Variants in PLCB1 observed in about 807,000 individuals in gnomAD.
PLCB1 encodes the protein 1-phosphatidylinositol 4,5-bisphosphate phosphodiesterase beta-1.
A neutral mutation model predicts 161.8 loss-of-function variants in PLCB1; 46 were observed. The observed-to-expected ratio is 0.28, with a 90% CI of 0.22 to 0.36. The LOEUF (loss-of-function observed/expected upper bound fraction) is 0.36. Ranked by LOEUF, PLCB1 falls within the 10% of genes least tolerant of loss-of-function variation. The probability of loss-of-function intolerance (pLI) is 1.00; values close to 1 mark genes in which losing one functional copy is unlikely to be tolerated. For missense variants in PLCB1, 1,016 were observed against 1,472.5 expected (o/e 0.69, Z 5.07); for synonymous variants, 517 against 503.7 (o/e 1.03, Z -0.35).
At chr20:8,601,359 C>G (rs1282579815) in intron 3 of PLCB1, among the ~76,000 whole-genome samples, 1 of 152,026 alleles carries the variant, frequency 6.6e-6, no homozygotes, top group Non-Finnish European at 1.5e-5. Flanking sequence ...TTTTCTTGAT[C>G]CTCTTTCTCC....
chr20:8,307,062 T>G (rs1008769772), intron 2 of PLCB1, among the ~76,000 whole-genome samples: 1 of 152,144 alleles, frequency 6.6e-6, no homozygotes, highest in Non-Finnish European at 1.5e-5. Context: ...TCAGGTCTGG[T>G]GAGGGATGAT....
chr20:8,161,471 A>G (rs1436800504), intron 2 of PLCB1, among the ~76,000 whole-genome samples: 1 of 152,236 alleles, frequency 6.6e-6, no homozygotes, highest in Non-Finnish European at 1.5e-5. Flanking sequence ...TGGCAGAGTC[A>G]GGAATAGAAA....
chr20:8,741,448 T>C lies in PLCB1; in HGVS notation c.2414-16T>C. The C allele has an allele frequency of 1.3e-6, 2 of 1,547,578 alleles. No homozygotes were observed. The highest frequency in any genetic ancestry group is 8.9e-7 in the Non-Finnish European group (1 of 1,120,046). On this transcript the variant is annotated splice_polypyrimidine_tract_variant and intron_variant, in intron 22 of 31. Transcript: ENST00000338037. Reference sequence around the variant, plus strand: ...CTTCCAGGACCTTTGATCTAAAATATCTCTTCCCTATTTAGATGTCATCGA... The same window carrying C: ...CTTCCAGGACCTTTGATCTAAAATACCTCTTCCCTATTTAGATGTCATCGA...
At chr20:8,274,877 C>T (rs563886570) in intron 2 of PLCB1, among the ~76,000 whole-genome samples, 5 of 152,102 alleles carry the variant, frequency 3.3e-5, no homozygotes, top group Admixed American at 6.6e-5. Flanking sequence ...TCTTTCCCTG[C>T]GATGAGTTAT....
At chr20:8,275,221 C>T (rs1474789315) in intron 2 of PLCB1, among the ~76,000 whole-genome samples, 4 of 149,098 alleles carry the variant, frequency 2.7e-5, no homozygotes, top group South Asian at 2.1e-4. Flanking sequence ...GTTAAATGTC[C>T]AGTACCAGGT....
chr20:8,356,645 T>C (rs1177998403), intron 2 of PLCB1, among the ~76,000 whole-genome samples: 2 of 152,194 alleles, frequency 1.3e-5, no homozygotes, highest in African/African-American at 4.8e-5. Context: ...TACGGCATAA[T>C]AGCACCAATT....
intron 19 of PLCB1, 74 bp from the exon 20 acceptor site, chr20:8,736,954 A>T: frequency 8.7e-7 from 1 of 1,152,548 alleles, no homozygotes; most frequent in Non-Finnish European, 1.3e-6. Context: ...GTGGCTCTTT[A>T]AAGTATTCTC....
At chr20:8,316,672 A>G (rs1018924095) in intron 2 of PLCB1, among the ~76,000 whole-genome samples, 4 of 152,168 alleles carry the variant, frequency 2.6e-5, no homozygotes, top group African/African-American at 9.7e-5. Context: ...CTCCGGGTTT[A>G]CTTTTCCAAG....
At chr20:8,397,223 C>T (rs962643582) in intron 3 of PLCB1, among the ~76,000 whole-genome samples, 3 of 151,972 alleles carry the variant, frequency 2.0e-5, no homozygotes, top group East Asian at 1.9e-4. Flanking sequence ...AATACAAGTC[C>T]ACTAGAGAAA....
chr20:8,607,688 G>T (rs939317376), intron 3 of PLCB1, among the ~76,000 whole-genome samples: 1 of 152,046 alleles, frequency 6.6e-6, no homozygotes. Context: ...TCTCTGAAAT[G>T]TTCTTGTTCA....
At chr20:8,423,320 AG>A (rs1247011961) in intron 3 of PLCB1, among the ~76,000 whole-genome samples, 2 of 152,214 alleles carry the variant, frequency 1.3e-5, no homozygotes, top group Non-Finnish European at 2.9e-5. Context: ...AAAGCAAAAC[AG>A]GTTCTTAAAG....
At chr20:8,613,988 C>T (rs1447199190) in intron 3 of PLCB1, among the ~76,000 whole-genome samples, 4 of 151,846 alleles carry the variant, frequency 2.6e-5, no homozygotes, top group Admixed American at 2.0e-4. Flanking sequence ...AACACTTAAG[C>T]AGCCCAAAAA....
chr20:8,346,172 C>A (rs1218068879), intron 2 of PLCB1, among the ~76,000 whole-genome samples: 2 of 152,208 alleles, frequency 1.3e-5, no homozygotes, highest in African/African-American at 4.8e-5. Flanking sequence ...TCACCCCAAA[C>A]TGCAAAGCTG....
chr20:8,729,728 A>G (rs1980132406), intron 18 of PLCB1: 1 of 151,970 alleles, frequency 6.6e-6, no homozygotes, highest in Admixed American at 6.6e-5. Flanking sequence ...ACTTATTTCT[A>G]TTCCCTAAAT....
At chr20:8,205,258 C>T (rs1978465042) in intron 2 of PLCB1, among the ~76,000 whole-genome samples, 2 of 152,152 alleles carry the variant, frequency 1.3e-5, no homozygotes, top group South Asian at 4.1e-4. Context: ...TCTCTGGCTT[C>T]TAACTTTATT....
At chr20:8,208,906 G>A (rs746569235) in intron 2 of PLCB1, among the ~76,000 whole-genome samples, 7 of 152,044 alleles carry the variant, frequency 4.6e-5, no homozygotes, top group Admixed American at 1.3e-4. Context: ...AATAGAAAGC[G>A]GAAGAAATTT....
chr20:8,643,551 T>C (rs577388913), intron 4 of PLCB1, among the ~76,000 whole-genome samples: 61 of 152,150 alleles, frequency 4.0e-4, no homozygotes, highest in African/African-American at 1.4e-3. Context: ...ATCGGTGCCT[T>C]AAGTCAGGAA....
chr20:8,795,015 T>C (rs897060615), intron 31 of PLCB1, among the ~76,000 whole-genome samples: 1 of 152,188 alleles, frequency 6.6e-6, no homozygotes, highest in Non-Finnish European at 1.5e-5. Flanking sequence ...ATTTTTACCA[T>C]CCTGCAATAG....
chr20:8,248,187 T>C (rs1376791946), intron 2 of PLCB1, among the ~76,000 whole-genome samples: 3 of 151,878 alleles, frequency 2.0e-5, no homozygotes, highest in Non-Finnish European at 4.4e-5. Context: ...CATAGAGTAC[T>C]CTGGAACATA....
Sources: gnomAD v4.1 joint callset for allele counts (sites outside exome capture counted in the v4.1 genomes callset) on GRCh38, gnomAD v4.1.1 for gene constraint, MANE v1.5 for transcripts, NCBI Gene and HGNC (gene_info 2026-07-23, HGNC 2026-07-21) for gene names.